The following PCDHGA5 variants were observed in gnomAD, a reference collection of about 807,000 sequenced individuals.
PCDHGA5 encodes protocadherin gamma subfamily A, 5.
Under a neutral mutation model 56.7 loss-of-function variants are expected in PCDHGA5, and 36 were observed. The ratio of observed to expected loss-of-function variants is 0.64; its 90% CI spans 0.49 to 0.84. The LOEUF is 0.84. Among genes scored for constraint, PCDHGA5 ranks in the 40% least tolerant of loss-of-function variants. The pLI is 0.00. For missense variants in PCDHGA5, 1,305 were observed against 1,201.5 expected (o/e 1.09, Z -1.27); for synonymous variants, 563 against 520.2 (o/e 1.08, Z -1.12).
At chr5:141,449,148 T>C (rs570694341) in intron 1 of PCDHGA5, among the ~76,000 whole-genome samples, 20 of 152,268 alleles carry the variant, frequency 1.3e-4, no homozygotes, top group African/African-American at 4.8e-4. Flanking sequence ...AATTGCTGGG[T>C]CAAAGAGGAA....
intron 1 of PCDHGA5, chr5:141,416,991 T>A (rs1052950610): frequency 2.0e-5 from 3 of 151,906 alleles, no homozygotes; most frequent in Non-Finnish European, 4.4e-5. Context: ...TTATTGTGCA[T>A]TCATCTCAAA....
intron 1 of PCDHGA5, among the ~76,000 whole-genome samples, chr5:141,453,216 C>T (rs565229516): frequency 8.5e-5 from 13 of 152,080 alleles, no homozygotes; most frequent in Non-Finnish European, 1.0e-4. Context: ...TGCACTTAAG[C>T]GATCCTCCCA....
At chr5:141,404,382 A>G (rs765708858) in intron 1 of PCDHGA5, 27 of 1,613,860 alleles carry the variant, frequency 1.7e-5, no homozygotes, top group South Asian at 1.2e-4. Context: ...GTGATTGCCT[A>G]TGACCCTGAT....
chr5:141,415,845 A>G, intron 1 of PCDHGA5: 1 of 1,246,436 alleles, frequency 8.0e-7, no homozygotes, highest in Non-Finnish European at 1.0e-6. Flanking sequence ...TTAGCTTTGC[A>G]GAACCTTGTA....
intron 1 of PCDHGA5, chr5:141,413,387 T>A (rs902208287): frequency 1.2e-6 from 2 of 1,613,908 alleles, no homozygotes; most frequent in Non-Finnish European, 1.7e-6. Context: ...GTCCGCATAG[T>A]CTCCAGAGGT....
intron 1 of PCDHGA5, among the ~76,000 whole-genome samples, chr5:141,373,744 G>A (rs10061034): frequency 6.6e-6 from 1 of 152,096 alleles, no homozygotes; most frequent in Admixed American, 6.5e-5. Context: ...TCATTATCTT[G>A]GGGAGGGAAA....
At chr5:141,409,447 A>G (rs764648085) in intron 1 of PCDHGA5, 3 of 1,614,008 alleles carry the variant, frequency 1.9e-6, no homozygotes, top group Admixed American at 1.7e-5. Flanking sequence ...GAGAGCAGAC[A>G]CCAGAATACA....
rs771124496 is a variant in PCDHGA5, at chr5:141,489,457, C to T, written c.2422-5350C>T. The T allele has an allele frequency of 1.2e-5, 19 of 1,613,882 alleles. No homozygotes were observed. The highest frequency in any genetic ancestry group is 6.7e-5 in the African/African-American group (5 of 74,896). Reference sequence around the variant, plus strand: ...GCAATTGGGCTCTGAGGAGAATGGGCGCTATTTTTCCCTGAGCTTGATGAG... The same window carrying T: ...GCAATTGGGCTCTGAGGAGAATGGGTGCTATTTTTCCCTGAGCTTGATGAG... On this transcript the variant is annotated intron_variant, in intron 1 of 3. Coordinates refer to ENST00000518069, the MANE Select transcript of PCDHGA5 (RefSeq NM_018918.3). The surrounding 1 kb of genome is among the most constrained non-coding windows in gnomAD (Gnocchi z 4.5).
intron 1 of PCDHGA5, among the ~76,000 whole-genome samples, chr5:141,473,431 G>C (rs541546681): frequency 6.6e-6 from 1 of 152,148 alleles, no homozygotes; most frequent in South Asian, 2.1e-4. Context: ...CAGATACTTT[G>C]CTTATGCAAA....
Position 141,432,226 on chromosome 5 carries a change from T to C in PCDHGA5, c.2422-62581T>C. On this transcript the variant is annotated intron_variant, in intron 1 of 3. Coordinates refer to ENST00000518069, the MANE Select transcript of PCDHGA5 (RefSeq NM_018918.3). The surrounding 1 kb of genome is among the most constrained non-coding windows in gnomAD (Gnocchi z 6.0). ...GTGAAGAGAACGCCCAGATCACTTATTCCCTGGCTGAGAACACCATCCAAG... is the reference window on the plus strand; with the variant it reads ...GTGAAGAGAACGCCCAGATCACTTACTCCCTGGCTGAGAACACCATCCAAG... 4 of 1,614,198 alleles carry C rather than the reference T, an allele frequency of 2.5e-6. No individual in the cohort carries two copies. The highest frequency in any genetic ancestry group is 3.4e-6 in the Non-Finnish European group (4 of 1,180,028).
chr5:141,413,032 C>A, intron 1 of PCDHGA5: 1 of 766,948 alleles, frequency 1.3e-6, no homozygotes, highest in Non-Finnish European at 2.0e-6. Context: ...CACAAACCGG[C>A]TGCTGGGCTG....
intron 1 of PCDHGA5, chr5:141,418,463 C>A (rs1046926260): frequency 1.2e-6 from 2 of 1,613,826 alleles, no homozygotes; most frequent in Non-Finnish European, 1.7e-6. Context: ...GACTCTGGAC[C>A]GAGAAACGCA....
chr5:141,400,621 A>G (rs1361532935), intron 1 of PCDHGA5: 1 of 1,521,426 alleles, frequency 6.6e-7, no homozygotes, highest in Non-Finnish European at 9.0e-7. Flanking sequence ...GAGTTGTCTT[A>G]GGGAAGTCAG....
chr5:141,494,762 A>G (rs770570158), intron 1 of PCDHGA5, 45 bp from the exon 2 acceptor site: 1 of 1,613,200 alleles, frequency 6.2e-7, no homozygotes, highest in South Asian at 1.1e-5. Flanking sequence ...TGACATTCTA[A>G]CTTCTCACGG....
intron 1 of PCDHGA5, chr5:141,374,905 C>T (rs756655009): frequency 1.2e-6 from 2 of 1,613,616 alleles, no homozygotes; most frequent in Non-Finnish European, 8.5e-7. Flanking sequence ...AAGGAGTCCA[C>T]GGGGAAGTAA....
intron 1 of PCDHGA5, chr5:141,395,547 TGTG>T (rs1561655259): frequency 0.04 from 6,887 of 174,198 alleles, 418 homozygotes; most frequent in African/African-American, 0.079. Context: ...ATTGTTTGTG[TGTG>T]TGTGTGTGTG....
intron 1 of PCDHGA5, chr5:141,393,056 C>A: frequency 6.2e-7 from 1 of 1,613,606 alleles, no homozygotes; most frequent in Non-Finnish European, 8.5e-7. Flanking sequence ...ACCCGCGCAG[C>A]GGCAGCTTGA....
At position 141,364,417 on chromosome 5, in the gene PCDHGA5, G is replaced by A; in HGVS notation, c.87G>A (p.Gly29=). 6.2e-7 allele frequency: 1 copy of A among 1,613,362 alleles called. No homozygotes were observed. The part of the protein sequence containing the change: ...LLGTLCEPGS[G]QIRYSMPEEL... ...GGACGCTGTGCGAGCCAGGATCCGG[G>A]CAGATCCGCTACTCGATGCCGGAGG... Residue 29 remains glycine, a synonymous_variant, in exon 1 of 4, where the codon GGG becomes GGA. Coordinates refer to ENST00000518069, the MANE Select transcript of PCDHGA5 (RefSeq NM_018918.3).
intron 1 of PCDHGA5, chr5:141,421,506 G>T: frequency 6.2e-7 from 1 of 1,614,076 alleles, no homozygotes; most frequent in Non-Finnish European, 8.5e-7. Context: ...GGATAGACCG[G>T]GAGGAGCTCT....
Sources: gnomAD v4.1 joint callset for allele counts (sites outside exome capture counted in the v4.1 genomes callset) on GRCh38, gnomAD v4.1.1 for gene constraint, Gnocchi (gnomAD v3.1) non-coding constraint, MANE v1.5 for transcripts, NCBI Gene and HGNC (gene_info 2026-07-23, HGNC 2026-07-21) for gene names.